Variants in ROBO2 observed in about 807,000 individuals in gnomAD.
The protein encoded by ROBO2 is roundabout guidance receptor 2.
A neutral mutation model predicts 160.8 loss-of-function variants in ROBO2; 53 were observed. The observed-to-expected ratio is 0.33, with a 90% CI of 0.26 to 0.41. The LOEUF (loss-of-function observed/expected upper bound fraction) is 0.41, where lower values mean the gene tolerates loss of function less well. Ranked by LOEUF, ROBO2 falls within the 10% of genes least tolerant of loss-of-function variation. The pLI, the probability that ROBO2 is intolerant of heterozygous loss-of-function variation, is 1.00. For synonymous variants in ROBO2, 664 were observed against 611.7 expected, an observed-to-expected ratio of 1.09 and a Z score of -1.26; for missense variants, 1,577 against 1,722.4, an observed-to-expected ratio of 0.92 and a Z score of 1.49.
At chr3:76,333,959 G>A (rs1192480979) in intron 2 of ROBO2, among the ~76,000 whole-genome samples, 1 of 152,208 alleles carries the variant, frequency 6.6e-6, no homozygotes, top group East Asian at 1.9e-4. Context: ...CCTTGGACAC[G>A]GGATGGGGAA....
At chr3:77,323,180 C>A (rs1192132349) in intron 2 of ROBO2, among the ~76,000 whole-genome samples, 2 of 149,752 alleles carry the variant, frequency 1.3e-5, no homozygotes, top group African/African-American at 4.9e-5. Context: ...CTGACTCCCT[C>A]CATGTCCATA....
intron 2 of ROBO2, among the ~76,000 whole-genome samples, chr3:76,741,928 C>A (rs1040096797): frequency 6.6e-6 from 1 of 151,824 alleles, no homozygotes; most frequent in Non-Finnish European, 1.5e-5. Context: ...ATAATGAGGC[C>A]TTTATAAGAG....
intron 8 of ROBO2, among the ~76,000 whole-genome samples, chr3:77,557,502 A>C (rs1480953566): frequency 6.6e-6 from 1 of 152,000 alleles, no homozygotes; most frequent in Non-Finnish European, 1.5e-5. Context: ...TGATAAATGC[A>C]AAAGTGAAAA....
At chr3:77,134,032 C>T (rs1422564618) in intron 2 of ROBO2, among the ~76,000 whole-genome samples, 1 of 151,978 alleles carries the variant, frequency 6.6e-6, no homozygotes, top group Non-Finnish European at 1.5e-5. Flanking sequence ...CAAAATTAGC[C>T]AGGTGCGGTG....
chr3:77,635,000 C>T (rs968260058), exon 24 of ROBO2: 2 of 1,614,118 alleles, frequency 1.2e-6, no homozygotes, highest in South Asian at 1.1e-5. Flanking sequence ...GGCGGATGGA[C>T]CAACAACCAG....
In ROBO2 at chr3:77,298,964, G is replaced by A. The variant is rs140110812; in HGVS notation, c.389-178450G>A. ...GCCAGGACATTTCAGAAGATAGAGG[G>A]GCTATTTTTATCTTCTAGGGCAAAC... On this transcript the variant is annotated intron_variant, in intron 2 of 25. Coordinates refer to ENST00000461745, the Ensembl canonical transcript of ROBO2. Among the ~76,000 whole-genome samples the A allele has an allele frequency of 9.0e-4, 137 of 152,150 alleles. 1 individual carries two copies. The East Asian group carries it at 0.018, about 20-fold the overall frequency.
intron 2 of ROBO2, among the ~76,000 whole-genome samples, chr3:76,787,136 T>G (rs1009685835): frequency 1.3e-5 from 2 of 151,050 alleles, no homozygotes; most frequent in Non-Finnish European, 3.0e-5. Context: ...TCCAGTCACC[T>G]CCCACCATGT....
chr3:77,196,993 A>G (rs1435175924), intron 2 of ROBO2, among the ~76,000 whole-genome samples: 1 of 144,592 alleles, frequency 6.9e-6, no homozygotes, highest in East Asian at 2.0e-4. Flanking sequence ...GGTAGAGAAA[A>G]AAAAAACAAG....
intron 2 of ROBO2, among the ~76,000 whole-genome samples, chr3:75,973,420 A>G (rs2065049094): frequency 6.6e-6 from 1 of 151,646 alleles, no homozygotes; most frequent in African/African-American, 2.4e-5. Flanking sequence ...ATATGGTTAA[A>G]CAATCATCTT....
chr3:76,742,408 T>A (rs1393326184), intron 2 of ROBO2, among the ~76,000 whole-genome samples: 1 of 152,090 alleles, frequency 6.6e-6, no homozygotes, highest in Non-Finnish European at 1.5e-5. Context: ...AACTACTCCA[T>A]TTGAAACTGC....
chr3:76,814,112 AC>A (rs1274987997), intron 2 of ROBO2, among the ~76,000 whole-genome samples: 4 of 152,174 alleles, frequency 2.6e-5, no homozygotes, highest in Non-Finnish European at 5.9e-5. Context: ...CAAATTAAAA[AC>A]GAAGTATCCG....
At chr3:76,819,946 A>C (rs1251588515) in intron 2 of ROBO2, among the ~76,000 whole-genome samples, 1 of 152,056 alleles carries the variant, frequency 6.6e-6, no homozygotes, top group Admixed American at 6.6e-5. Flanking sequence ...GTCAATCTCT[A>C]TTCTGTCTGT....
At chr3:77,215,737 G>C (rs2084846609) in intron 2 of ROBO2, among the ~76,000 whole-genome samples, 1 of 152,072 alleles carries the variant, frequency 6.6e-6, no homozygotes, top group Admixed American at 6.6e-5. Flanking sequence ...TTTGATGATG[G>C]TGACGTACAG....
intron 2 of ROBO2, among the ~76,000 whole-genome samples, chr3:77,224,172 A>T (rs1382827048): frequency 1.3e-5 from 2 of 151,992 alleles, no homozygotes; most frequent in Non-Finnish European, 2.9e-5. Flanking sequence ...GTTTTTGACA[A>T]ATGTGATGCC....
chr3:76,586,827 G>A (rs1312615770), intron 2 of ROBO2, among the ~76,000 whole-genome samples: 1 of 152,174 alleles, frequency 6.6e-6, no homozygotes, highest in Non-Finnish European at 1.5e-5. Context: ...GATCACATAT[G>A]CAAAGATATG....
At chr3:76,227,101 G>A (rs34509473) in intron 2 of ROBO2, among the ~76,000 whole-genome samples, 121,144 of 151,954 alleles carry the variant, frequency 0.8, 49,322 homozygotes, top group East Asian at 0.94. Context: ...AGTGAATCTG[G>A]AATGGTTTAG....
At chr3:75,995,319 C>T (rs2065693601) in intron 2 of ROBO2, among the ~76,000 whole-genome samples, 1 of 152,118 alleles carries the variant, frequency 6.6e-6, no homozygotes, top group South Asian at 2.1e-4. Context: ...GGGCTTGGTG[C>T]TCTGCATCCC....
intron 2 of ROBO2, among the ~76,000 whole-genome samples, chr3:76,649,802 A>G (rs538610439): frequency 2.0e-5 from 3 of 152,162 alleles, no homozygotes; most frequent in Non-Finnish European, 4.4e-5. Flanking sequence ...CATTTGTTCT[A>G]TGGAAGAAAG....
At chr3:76,596,660 T>G (rs1455961299) in intron 2 of ROBO2, among the ~76,000 whole-genome samples, 1 of 152,046 alleles carries the variant, frequency 6.6e-6, no homozygotes, top group African/African-American at 2.4e-5. Context: ...CAACAGCAGG[T>G]AGTAAGAATA....
Sources: allele counts gnomAD v4.1 joint callset (sites outside exome capture counted in the v4.1 genomes callset), GRCh38; gene constraint gnomAD v4.1.1; transcripts MANE v1.5; gene names NCBI Gene and HGNC (gene_info 2026-07-23, HGNC 2026-07-21).